DENND10: variants seen among roughly 807,000 people sequenced by gnomAD.
DENND10 encodes DENN domain containing 10.
DENND10 carries 24 observed loss-of-function variants against 43.6 expected under a neutral mutation model. The observed-to-expected ratio is 0.55, with a 90% CI of 0.40 to 0.77. The LOEUF is 0.77. Among genes scored for constraint, DENND10 ranks in the 30% least tolerant of loss-of-function variants. DENND10 has a pLI of 0.00. For synonymous variants in DENND10, 125 were observed against 157.6 expected (o/e 0.79, Z 1.55); for missense variants, 303 against 429.9 (o/e 0.70, Z 2.61).
At chr10:119,116,163 A>G (rs1845262164) in intron 3 of DENND10, among the ~76,000 whole-genome samples, 1 of 152,192 alleles carries the variant, frequency 6.6e-6, no homozygotes, top group South Asian at 2.1e-4. Flanking sequence ...TTCTCAAGCA[A>G]AATTTAATTT....
intron 2 of DENND10, among the ~76,000 whole-genome samples, chr10:119,110,662 G>A (rs1019643171): frequency 1.3e-5 from 2 of 151,874 alleles, no homozygotes; most frequent in Admixed American, 1.3e-4. Context: ...TCACCATCTT[G>A]GCCAGGCTGG....
intron 1 of DENND10, among the ~76,000 whole-genome samples, chr10:119,106,582 A>T (rs990902475): frequency 5.3e-5 from 8 of 152,102 alleles, no homozygotes; most frequent in African/African-American, 1.9e-4. Flanking sequence ...GCCTCAGGCG[A>T]TCCTCCTGGG....
rs376508991 is a variant in DENND10, at chr10:119,135,466, T to TG, written c.898-998dup. On this transcript the variant is annotated intron_variant, in intron 8 of 8. Coordinates refer to ENST00000361432, the MANE Select transcript of DENND10 (RefSeq NM_207009.4). ...GGAATGTTTTGAATGTGGCTTTTGT[T>TG]GGGGGGGAGAAAAGGAATAGAATTC... 2.6e-3 allele frequency among the ~76,000 whole-genome samples: 393 copies of TG among 151,978 alleles called. 2 individuals are homozygous for TG. The highest frequency in any genetic ancestry group is 9.0e-3 in the African/African-American group (375 of 41,484).
chr10:119,124,937 T>C (rs1012495415), intron 6 of DENND10, among the ~76,000 whole-genome samples: 4 of 152,136 alleles, frequency 2.6e-5, no homozygotes, highest in African/African-American at 9.7e-5. Flanking sequence ...AAATGCAACC[T>C]ATATTTAACT....
intron 6 of DENND10, among the ~76,000 whole-genome samples, chr10:119,128,384 C>A (rs1028981133): frequency 6.6e-6 from 1 of 151,762 alleles, no homozygotes; most frequent in Non-Finnish European, 1.5e-5. Flanking sequence ...CTGAGGCAGG[C>A]GGATCACGAG....
chr10:119,117,355 G>A (rs1845339969), intron 3 of DENND10, among the ~76,000 whole-genome samples, 164 bp from the exon 4 acceptor site: 1 of 152,016 alleles, frequency 6.6e-6, no homozygotes, highest in Non-Finnish European at 1.5e-5. Flanking sequence ...CCGGGCGACA[G>A]AGTGAGACTC....
rs748052577 is a variant in DENND10, at chr10:119,137,505, A to G, written c.*858A>G. On this transcript the variant is annotated 3_prime_UTR_variant, in exon 9 of 9. Transcript: ENST00000361432. ...CAAAACCAGAGAAAGGCTTCCAGCA[A>G]CTTCGATGAAAGTAGTTTGGCCACA... The G allele has an allele frequency of 6.0e-6, 1 of 167,044 alleles. No individual in the cohort carries two copies. The highest frequency in any genetic ancestry group is 6.6e-5 in the Admixed American group (1 of 15,250). The allele number at this position is 167,044 out of a possible 1,614,324, so 10.3% of individuals were successfully genotyped here. A position where few individuals can be genotyped will look rare whatever the true frequency, so the allele number is the denominator to read the frequency against.
At chr10:119,134,174 G>C (rs970574637) in intron 8 of DENND10, 1 of 149,698 alleles carries the variant, frequency 6.7e-6, no homozygotes. Context: ...GCAGGCACTG[G>C]GATTACAGGG....
chr10:119,116,665 C>CTTTTTTT (rs71016543), intron 3 of DENND10, among the ~76,000 whole-genome samples: 1 of 132,206 alleles, frequency 7.6e-6, no homozygotes, highest in African/African-American at 2.7e-5. Flanking sequence ...TTCTTTCTTT[C>CTTTTTTT]TTTTTTTTTT....
At chr10:119,129,772 A>AT in intron 7 of DENND10, 150 bp downstream of exon 7, 1 of 631,888 alleles carries the variant, frequency 1.6e-6, no homozygotes, top group East Asian at 2.8e-5. Flanking sequence ...ATTTATTCCT[A>AT]TAAACATAGA....
chr10:119,123,427 T>G, intron 5 of DENND10, 42 bp from the exon 6 acceptor site: 3 of 1,432,086 alleles, frequency 2.1e-6, no homozygotes, highest in Non-Finnish European at 3.0e-6. Flanking sequence ...GTCTTTAAGG[T>G]GTGGACCAGC....
At chr10:119,135,809 A>AAAAAAAAAAAAAAAAAAAAAAAC (rs1564804519) in intron 8 of DENND10, among the ~76,000 whole-genome samples, 1 of 150,192 alleles carries the variant, frequency 6.7e-6, no homozygotes, top group Non-Finnish European at 1.5e-5. Context: ...AAAAAAAAAA[A>AAAAAAAAAAAAAAAAAAAAAAAC]AAAAAAACCA....
rs1358861038 is a variant in DENND10, at chr10:119,117,588, A to T, written c.402A>T (p.Ile134=). 2 of 1,613,836 alleles carry T rather than the reference A, an allele frequency of 1.2e-6. No individual in the cohort carries two copies. The highest frequency in any genetic ancestry group is 2.2e-5 in the South Asian group (2 of 91,088). The change falls in exon 4 of 9, where the codon ATA becomes ATT. Residue 134 remains isoleucine, a synonymous_variant. Coordinates refer to ENST00000361432, the MANE Select transcript of DENND10 (RefSeq NM_207009.4). ...ATATTGCAGTTCTCACAAAGGGGAT[A>T]TGCCAGAGTGAAGAAAACGGCTCTT... The part of the protein sequence containing the change: ...ESYIAVLTKG[I]CQSEENGSFL...
chr10:119,116,915 G>A (rs887943770), intron 3 of DENND10, among the ~76,000 whole-genome samples: 2 of 151,492 alleles, frequency 1.3e-5, no homozygotes, highest in African/African-American at 2.4e-5. Flanking sequence ...TCTGACCTCA[G>A]GTGATTCGCC....
intron 6 of DENND10, 119 bp downstream of exon 6, chr10:119,123,688 C>T: frequency 1.4e-6 from 1 of 738,882 alleles, no homozygotes; most frequent in Non-Finnish European, 2.3e-6. Flanking sequence ...TAGCTCACCG[C>T]AACGTCCGCC....
chr10:119,129,842 G>A (rs75477481), intron 7 of DENND10, among the ~76,000 whole-genome samples: 3,871 of 152,288 alleles, frequency 0.025, 76 homozygotes, highest in Middle Eastern at 0.041. Context: ...AAGTTAAATA[G>A]TCTGTTCATC....
At chr10:119,105,605 T>C in intron 1 of DENND10, 2 of 674,806 alleles carry the variant, frequency 3.0e-6, no homozygotes, top group African/African-American at 1.9e-5. Flanking sequence ...AGTTAAACTG[T>C]CTTTATCTAC....
At chr10:119,134,306 T>G (rs1846210305) in intron 8 of DENND10, 1 of 151,538 alleles carries the variant, frequency 6.6e-6, no homozygotes, top group Admixed American at 6.6e-5. Flanking sequence ...CCCAGAGTGC[T>G]GGGGATTACA....
At chr10:119,126,460 G>A (rs990345344) in intron 6 of DENND10, among the ~76,000 whole-genome samples, 3 of 144,362 alleles carry the variant, frequency 2.1e-5, no homozygotes, top group Admixed American at 7.4e-5. Context: ...TCTTGCCATC[G>A]TTTGTTATTG....
Sources: gnomAD v4.1 joint callset for allele counts (sites outside exome capture counted in the v4.1 genomes callset) on GRCh38, gnomAD v4.1.1 for gene constraint, MANE v1.5 for transcripts, NCBI Gene and HGNC (gene_info 2026-07-23, HGNC 2026-07-21) for gene names.